Variants in ARID4B observed in about 807,000 individuals in gnomAD.
The protein encoded by ARID4B is AT-rich interactive domain-containing protein 4B.
A neutral mutation model predicts 147.5 loss-of-function variants in ARID4B; 26 were observed. That is an observed-to-expected ratio of 0.18 (90% CI 0.13 to 0.24). ARID4B has a LOEUF of 0.24. Among genes scored for constraint, ARID4B ranks in the 10% least tolerant of loss-of-function variants. The pLI is 1.00. For synonymous variants in ARID4B, 512 were observed against 507.9 expected (o/e 1.01, Z -0.11); for missense variants, 1,179 against 1,511.5 (o/e 0.78, Z 3.65).
chr1:235,293,266 T>A (rs1019822678), intron 2 of ARID4B, among the ~76,000 whole-genome samples: 1 of 152,252 alleles, frequency 6.6e-6, no homozygotes, highest in Non-Finnish European at 1.5e-5. Flanking sequence ...TTTCCTCTCT[T>A]ATTTTTTACT....
At chr1:235,210,317 A>G (rs1666632633) in intron 17 of ARID4B, among the ~76,000 whole-genome samples, 1 of 152,094 alleles carries the variant, frequency 6.6e-6, no homozygotes, top group South Asian at 2.1e-4. Flanking sequence ...GCTTGTCATG[A>G]ATGACTACCA....
At chr1:235,264,731 C>T (rs752653350) in intron 2 of ARID4B, among the ~76,000 whole-genome samples, 1 of 151,978 alleles carries the variant, frequency 6.6e-6, no homozygotes, top group Non-Finnish European at 1.5e-5. Flanking sequence ...GATTTGGTTC[C>T]CTTCCTTATT....
At chr1:235,291,970 A>T (rs1479741897) in intron 2 of ARID4B, among the ~76,000 whole-genome samples, 1 of 152,190 alleles carries the variant, frequency 6.6e-6, no homozygotes, top group Non-Finnish European at 1.5e-5. Flanking sequence ...AAAGAAGGGA[A>T]ATTTAACAAT....
In ARID4B at chr1:235,172,687, G is replaced by A. The variant is rs930565209; in HGVS notation, c.3742C>T (p.Leu1248=). The A allele has an allele frequency of 6.2e-7, 1 of 1,607,666 alleles. No individual in the cohort carries two copies. The highest frequency in any genetic ancestry group is 1.1e-5 in the South Asian group (1 of 89,640). ...EKLQEIRKHY[L]SLKSEVASID... ...GAAGCTACTTCAGATTTTAATGACA[G>A]ATAATGTTTTCTGATTTCTTGAAGT... Residue 1248 remains leucine, a synonymous_variant, in exon 23 of 24, where the codon CTG becomes TTG. Coordinates refer to ENST00000264183, the MANE Select transcript of ARID4B (RefSeq NM_016374.6).
intron 22 of ARID4B, among the ~76,000 whole-genome samples, chr1:235,173,913 T>C (rs1030156892): frequency 6.7e-6 from 1 of 148,780 alleles, no homozygotes; most frequent in South Asian, 2.1e-4. Flanking sequence ...GTGAACCCCA[T>C]GTACTCATTA....
intron 2 of ARID4B, among the ~76,000 whole-genome samples, chr1:235,298,405 G>A (rs1401555953): frequency 1.3e-5 from 2 of 151,170 alleles, no homozygotes; most frequent in Non-Finnish European, 2.9e-5. Context: ...ATTAGAAAAT[G>A]TTATGTTTCA....
At chr1:235,169,571 T>C (rs569838369) in intron 23 of ARID4B, among the ~76,000 whole-genome samples, 1 of 152,044 alleles carries the variant, frequency 6.6e-6, no homozygotes, top group East Asian at 1.9e-4. Flanking sequence ...AGTCTCACTC[T>C]GTCGCCCAGG....
rs1177821334 is a variant in ARID4B, at chr1:235,167,854, T to C, written c.*671A>G. The C allele has an allele frequency of 5.1e-6, 1 of 196,390 alleles. No homozygotes were observed. The highest frequency in any genetic ancestry group is 1.1e-5 in the Non-Finnish European group (1 of 94,396). The allele number at this position is 196,390 out of a possible 1,614,324, so 12.2% of individuals were successfully genotyped here. ...AAAAAAATACTGATTTATAGAAAAA[T>C]GGCAAAGTACAGTAGTTCCATTCCA... is the stretch of plus-strand genomic sequence containing the variant. On this transcript the variant is annotated 3_prime_UTR_variant, in exon 24 of 24. Coordinates refer to ENST00000264183, the MANE Select transcript of ARID4B (RefSeq NM_016374.6).
chr1:235,288,742 G>C (rs1194120350), intron 2 of ARID4B, among the ~76,000 whole-genome samples: 1 of 152,176 alleles, frequency 6.6e-6, no homozygotes, highest in Non-Finnish European at 1.5e-5. Context: ...TCAAAAGGGA[G>C]CACAAAGAAC....
chr1:235,232,223 C>T (rs1179359996), intron 9 of ARID4B, among the ~76,000 whole-genome samples: 1 of 151,948 alleles, frequency 6.6e-6, no homozygotes, highest in African/African-American at 2.4e-5. Context: ...AGTTCAAGAC[C>T]AGCCTGACCA....
Position 235,168,501 on chromosome 1 carries a change from A to G in ARID4B, c.*24T>C, listed in dbSNP as rs768297039. ...GTGGCCCTCAACAGCCATTAAGTGCAAAGTGCTTTAGCAAGTCCTGCTGTC... is the reference window on the plus strand; with the variant it reads ...GTGGCCCTCAACAGCCATTAAGTGCGAAGTGCTTTAGCAAGTCCTGCTGTC... On this transcript the variant is annotated 3_prime_UTR_variant, in exon 24 of 24. Coordinates refer to ENST00000264183, the MANE Select transcript of ARID4B (RefSeq NM_016374.6). The G allele has an allele frequency of 6.2e-7, 1 of 1,612,320 alleles. No individual in the cohort carries two copies. Among genetic ancestry groups the G allele is most frequent in the Non-Finnish European group, 8.5e-7 (1 of 1,178,956 alleles).
chr1:235,240,703 C>T (rs1668926835), intron 7 of ARID4B, among the ~76,000 whole-genome samples: 1 of 152,086 alleles, frequency 6.6e-6, no homozygotes, highest in Admixed American at 6.6e-5. Flanking sequence ...GGAGGAAGAT[C>T]AGGACAAATA....
chr1:235,209,107 CA>C (rs1666522680), intron 17 of ARID4B, among the ~76,000 whole-genome samples: 1 of 152,074 alleles, frequency 6.6e-6, no homozygotes, highest in Admixed American at 6.5e-5. Flanking sequence ...CAAACTTGCC[CA>C]AATGTTAACC....
At chr1:235,226,289 C>A (rs1385695741) in intron 11 of ARID4B, among the ~76,000 whole-genome samples, 1 of 152,062 alleles carries the variant, frequency 6.6e-6, no homozygotes, top group African/African-American at 2.4e-5. Flanking sequence ...CTTACAAATT[C>A]GTGGGGAAGA....
chr1:235,256,769 T>C (rs1265378026), intron 4 of ARID4B, among the ~76,000 whole-genome samples: 1 of 152,216 alleles, frequency 6.6e-6, no homozygotes, highest in Non-Finnish European at 1.5e-5. Context: ...AAATCCATCA[T>C]TTTAGTAATG....
intron 16 of ARID4B, among the ~76,000 whole-genome samples, chr1:235,215,002 C>T (rs1471844355): frequency 6.6e-6 from 1 of 151,872 alleles, no homozygotes; most frequent in Non-Finnish European, 1.5e-5. Context: ...CCACCACACC[C>T]AGCTAATTTT....
chr1:235,295,308 G>A (rs1000231521), intron 2 of ARID4B, among the ~76,000 whole-genome samples: 2 of 152,042 alleles, frequency 1.3e-5, no homozygotes, highest in Non-Finnish European at 2.9e-5. Context: ...TCCAGAGTTC[G>A]AGACCGGCCT....
chr1:235,199,835 G>T (rs530449092), intron 17 of ARID4B, among the ~76,000 whole-genome samples: 90 of 152,246 alleles, frequency 5.9e-4, no homozygotes, highest in African/African-American at 2.0e-3. Context: ...CACTTTAGTT[G>T]TCTGATAGAT....
intron 2 of ARID4B, among the ~76,000 whole-genome samples, chr1:235,275,130 A>G (rs1260937563): frequency 6.6e-6 from 1 of 152,230 alleles, no homozygotes; most frequent in African/African-American, 2.4e-5. Context: ...ACAGATGACC[A>G]AATTTTTACG....
Sources: gnomAD v4.1 joint callset for allele counts (sites outside exome capture counted in the v4.1 genomes callset) on GRCh38, gnomAD v4.1.1 for gene constraint, MANE v1.5 for transcripts, NCBI Gene and HGNC (gene_info 2026-07-23, HGNC 2026-07-21) for gene names.